Variants in ITGB6 observed in about 807,000 individuals in gnomAD.
ITGB6 encodes integrin subunit beta 6, also known as integrin beta-6.
ITGB6 carries 80 observed loss-of-function variants against 84.5 expected under a neutral mutation model. The observed-to-expected ratio is 0.95, with a 90% CI of 0.79 to 1.14. The LOEUF (loss-of-function observed/expected upper bound fraction) is 1.14. Among genes scored for constraint, ITGB6 ranks in the 50% most tolerant of loss-of-function variants. The probability of loss-of-function intolerance (pLI) is 0.00; values close to 1 mark genes in which losing one functional copy is unlikely to be tolerated. For missense variants in ITGB6, 1,006 were observed against 968.0 expected, an observed-to-expected ratio of 1.04 and a Z score of -0.52; for synonymous variants, 383 against 354.9, an observed-to-expected ratio of 1.08 and a Z score of -0.89.
intron 7 of ITGB6, among the ~76,000 whole-genome samples, chr2:160,151,039 G>C (rs1186543537): frequency 6.6e-6 from 1 of 152,006 alleles, no homozygotes; most frequent in Admixed American, 6.6e-5. Context: ...AGATAAACAA[G>C]GCAGAAGCTT....
intron 7 of ITGB6, among the ~76,000 whole-genome samples, chr2:160,149,550 T>C (rs1485097994): frequency 6.6e-6 from 1 of 152,170 alleles, no homozygotes; most frequent in Admixed American, 6.5e-5. Context: ...CCTCTTCTCC[T>C]CCAAAGAATT....
chr2:160,104,832 A>G (rs1194376325), intron 14 of ITGB6, among the ~76,000 whole-genome samples: 1 of 152,258 alleles, frequency 6.6e-6, no homozygotes, highest in Admixed American at 6.5e-5. Context: ...AATAAAAAAG[A>G]TAACCTTTCT....
Position 160,169,216 on chromosome 2 carries a change from T to A in ITGB6, c.1013A>T (p.Tyr338Phe). ...TCCCAAGTTATTTTTGCTTACCTCA[T>A]ATAAATGAACTTGTTCTTGGGTTAC... ...FAVTQEQVHLYENYAKLIPGA... is the reference protein window; with the variant it reads ...FAVTQEQVHLFENYAKLIPGA... Residue 338 changes from tyrosine to phenylalanine, a missense_variant, in exon 7 of 15, where the codon TAT (tyrosine) becomes TTT (phenylalanine). Coordinates refer to ENST00000283249, the MANE Select transcript of ITGB6 (RefSeq NM_000888.5). 6.3e-7 allele frequency: 1 copy of A among 1,584,040 alleles called. No homozygotes were observed. The highest frequency in any genetic ancestry group is 1.3e-5 in the African/African-American group (1 of 74,098).
At chr2:160,134,751 A>G (rs1368822837) in intron 10 of ITGB6, among the ~76,000 whole-genome samples, 1 of 152,274 alleles carries the variant, frequency 6.6e-6, no homozygotes, top group Non-Finnish European at 1.5e-5. Flanking sequence ...CTGATTCAAC[A>G]TACACAAATC....
At chr2:160,138,675 T>A (rs911798944) in intron 8 of ITGB6, among the ~76,000 whole-genome samples, 1 of 152,202 alleles carries the variant, frequency 6.6e-6, no homozygotes, top group African/African-American at 2.4e-5. Context: ...AGCTGTTTGT[T>A]GCTTTGCAAA....
intron 8 of ITGB6, among the ~76,000 whole-genome samples, chr2:160,138,572 A>C (rs531314439): frequency 6.6e-6 from 1 of 152,244 alleles, no homozygotes. Flanking sequence ...ATAGATTGGC[A>C]TATAAAAGGC....
chr2:160,147,126 G>C (rs1440350414), intron 7 of ITGB6, among the ~76,000 whole-genome samples: 1 of 148,294 alleles, frequency 6.7e-6, no homozygotes, highest in African/African-American at 2.5e-5. Flanking sequence ...GGAAAGGAAA[G>C]AAGGAAGGAA....
Position 160,137,607 on chromosome 2 carries a change from A to G in ITGB6, c.1487T>C (p.Met496Thr). Residue 496 changes from methionine to threonine, a missense_variant, in exon 10 of 15, where the codon ATG (methionine) becomes ACG (threonine). Physicochemically the swap from Met to Thr is moderately conservative, Grantham distance 81 (BLOSUM62 -1). Transcript: ENST00000283249. The part of the protein sequence containing the change: ...MGPRCECGED[M>T]LSTDSCKEAP... The stretch of plus-strand genomic sequence containing the variant: ...CTCCTTGCAGGAATCTGTGCTCAGC[A>G]TGTCCTCGCCACACTCACAGCGAGG... 2 of 1,614,206 alleles carry G rather than the reference A, an allele frequency of 1.2e-6. No homozygotes were observed. The highest frequency in any genetic ancestry group is 1.7e-6 in the Non-Finnish European group (2 of 1,180,030).
In ITGB6 at chr2:160,126,476, C is replaced by A. The variant is rs1376058943; in HGVS notation, c.1786G>T (p.Asp596Tyr). The A allele has an allele frequency of 5.0e-6, 8 of 1,614,036 alleles. No individual in the cohort carries two copies. In the Admixed American group the frequency reaches 8.3e-5, roughly 17 times the overall value. Residue 596 changes from aspartate to tyrosine, a missense_variant, in exon 11 of 15, where the codon GAC becomes TAC. Coordinates refer to ENST00000283249, the MANE Select transcript of ITGB6 (RefSeq NM_000888.5). ...CAAACACACTTGCCACAAACACAGTCCCCGCGCCCGCTGCAGAGCACTCCA... is the reference window on the plus strand; with the variant it reads ...CAAACACACTTGCCACAAACACAGTACCCGCGCCCGCTGCAGAGCACTCCA... Reference protein sequence around the residue: ...EDGVLCSGRGDCVCGKCVCTN... With the variant: ...EDGVLCSGRGYCVCGKCVCTN...
chr2:160,120,115 C>G (rs1375601914), intron 12 of ITGB6, among the ~76,000 whole-genome samples: 1 of 151,872 alleles, frequency 6.6e-6, no homozygotes, highest in African/African-American at 2.4e-5. Flanking sequence ...GTGGCGATTC[C>G]TCAGGGATCT....
intron 13 of ITGB6, among the ~76,000 whole-genome samples, chr2:160,110,829 G>A (rs962395055): frequency 1.3e-5 from 2 of 152,170 alleles, no homozygotes; most frequent in Admixed American, 1.3e-4. Context: ...GACCTCTGGG[G>A]ACAGGTTCTG....
In ITGB6 at chr2:160,112,091, A is replaced by C. The variant is rs1233486573; in HGVS notation, c.2090T>G (p.Ile697Ser). 3 of 1,612,220 alleles carry C rather than the reference A, an allele frequency of 1.9e-6. No homozygotes were observed. The highest frequency in any genetic ancestry group is 2.7e-5 in the African/African-American group (2 of 74,800). Residue 697 changes from isoleucine (I) to serine (S), a missense_variant, in exon 13 of 15, where the codon ATC becomes AGC. By Grantham distance (142) the Ile-to-Ser change is moderately radical. Coordinates refer to ENST00000283249, the MANE Select transcript of ITGB6 (RefSeq NM_000888.5). Reference sequence around the variant, plus strand: ...GGCAAAACACCCACCTTTTTCATTGATGCTGTGAATGATGGTTTTCCCCTC... The same window carrying C: ...GGCAAAACACCCACCTTTTTCATTGCTGCTGTGAATGATGGTTTTCCCCTC... Reference protein sequence around the residue: ...DNEGKTIIHSINEKDCPKPPN... With the variant: ...DNEGKTIIHSSNEKDCPKPPN...
At chr2:160,137,978 C>A in intron 9 of ITGB6, 87 bp downstream of exon 9, 1 of 1,533,938 alleles carries the variant, frequency 6.5e-7, no homozygotes, top group Non-Finnish European at 8.8e-7. Flanking sequence ...TTTTAAAATT[C>A]TTGAAAGAAA....
chr2:160,199,965 T>C (rs1225236331), intron 1 of ITGB6, 38 bp downstream of exon 1: 3 of 1,503,978 alleles, frequency 2.0e-6, no homozygotes, highest in Admixed American at 1.7e-5. Flanking sequence ...TTGTCAAGCA[T>C]ACCACGAAAG....
rs1488654094 is a variant in ITGB6, at chr2:160,138,106, G to A, written c.1201C>T (p.Gln401Ter). The change falls in exon 9 of 15, where the codon CAA (glutamine) becomes TAA (stop). Residue 401 changes from glutamine to a stop codon, truncating the protein, a stop_gained. Coordinates refer to ENST00000283249, the MANE Select transcript of ITGB6 (RefSeq NM_000888.5). LOFTEE classifies it high-confidence loss of function. ...ATGTGAGAGCATTTCTTTTGGTGTT[G>A]GAAGAGGGTACCGTTGTTACAGATG... ...TAICNNGTLF[Q>*]HQKKCSHMKV... is the part of the protein sequence containing the mutation. 1 of 1,613,920 alleles carries A rather than the reference G, an allele frequency of 6.2e-7. No homozygotes were observed. Among genetic ancestry groups the A allele is most frequent in the East Asian group, 2.2e-5 (1 of 44,870 alleles).
At chr2:160,198,298 A>T (rs1459751849) in intron 2 of ITGB6, among the ~76,000 whole-genome samples, 2 of 152,176 alleles carry the variant, frequency 1.3e-5, no homozygotes, top group African/African-American at 2.4e-5. Context: ...GTGAGGCCAC[A>T]CTTCATGGAT....
chr2:160,176,592 A>T (rs1685428216), intron 4 of ITGB6, among the ~76,000 whole-genome samples: 1 of 152,236 alleles, frequency 6.6e-6, no homozygotes, highest in Admixed American at 6.5e-5. Context: ...TGAGGCTTGA[A>T]TGGGATCAAA....
chr2:160,174,083 G>A lies in ITGB6; in HGVS notation c.650C>T (p.Thr217Ile). The A allele has an allele frequency of 6.2e-7, 1 of 1,612,710 alleles. No individual in the cohort carries two copies. The highest frequency in any genetic ancestry group is 8.5e-7 in the Non-Finnish European group (1 of 1,179,514). Residue 217 changes from threonine to isoleucine, a missense_variant, in exon 5 of 15, where the codon ACA becomes ATA. Transcript: ENST00000283249. ...TTCATTGAATCTTTCAGCATCATTT[G>A]TCAATGGCAAAATGTGCTTGAATCC... Reference protein sequence around the residue: ...TFGFKHILPLTNDAERFNEIV... With the variant: ...TFGFKHILPLINDAERFNEIV...
rs772152565 is a variant in ITGB6 at position 160,126,513 on chromosome 2, G to A, written c.1749C>T (p.Cys583=). The A allele has an allele frequency of 1.9e-5, 31 of 1,613,984 alleles. No homozygotes were observed. The highest frequency in any genetic ancestry group is 5.3e-5 in the African/African-American group (4 of 74,904). The part of the protein sequence containing the change: ...YCNCTTSTDS[C]VSEDGVLCSG... ...TGCAGAGCACTCCATCTTCAGAGAC[G>A]CAGGAGTCCGTGCTGGTGGTGCAGT... The change falls in exon 11 of 15, where the codon TGC becomes TGT. Residue 583 remains cysteine, a synonymous_variant. Coordinates refer to ENST00000283249, the MANE Select transcript of ITGB6 (RefSeq NM_000888.5).
Sources: gnomAD v4.1 joint callset for allele counts (sites outside exome capture counted in the v4.1 genomes callset) on GRCh38, gnomAD v4.1.1 for gene constraint, MANE v1.5 for transcripts, NCBI Gene and HGNC (gene_info 2026-07-23, HGNC 2026-07-21) for gene names.